Variants in NRXN1 observed in about 807,000 individuals in gnomAD.
NRXN1 encodes neurexin 1, also known as neurexin-1.
A neutral mutation model predicts 150.9 loss-of-function variants in NRXN1; 39 were observed. The ratio of observed to expected loss-of-function variants is 0.26; its 90% CI spans 0.20 to 0.34. The LOEUF (loss-of-function observed/expected upper bound fraction) is 0.34. NRXN1 is among the 10% of genes least tolerant of loss of function. The pLI, the probability that NRXN1 is intolerant of heterozygous loss-of-function variation, is 1.00. For synonymous variants in NRXN1, 924 were observed against 757.0 expected (o/e 1.22, Z -3.62); for missense variants, 1,815 against 1,949.9 (o/e 0.93, Z 1.30).
chr2:50,275,537 C>T (rs997377175), intron 17 of NRXN1, among the ~76,000 whole-genome samples: 3 of 151,936 alleles, frequency 2.0e-5, no homozygotes, highest in Non-Finnish European at 2.9e-5. Context: ...GTTGTCTTCA[C>T]TTACTATAGT....
At chr2:50,656,664 A>G (rs970126683) in intron 5 of NRXN1, among the ~76,000 whole-genome samples, 1 of 151,840 alleles carries the variant, frequency 6.6e-6, no homozygotes, top group Admixed American at 6.6e-5. Context: ...TAATTTCATG[A>G]TGGACTAGCT....
intron 17 of NRXN1, among the ~76,000 whole-genome samples, chr2:50,408,899 C>CA (rs1179156419): frequency 6.8e-6 from 1 of 146,464 alleles, no homozygotes; most frequent in East Asian, 2.0e-4. Context: ...CTAAATCTGA[C>CA]TGCACCTTTT....
chr2:50,659,907 G>A (rs959457801), intron 5 of NRXN1, among the ~76,000 whole-genome samples: 22 of 152,000 alleles, frequency 1.4e-4, no homozygotes, highest in African/African-American at 4.3e-4. Context: ...AGGCTTTGAA[G>A]AAACAATGGG....
At chr2:49,937,722 C>A (rs1304346364) in intron 22 of NRXN1, among the ~76,000 whole-genome samples, 2 of 152,158 alleles carry the variant, frequency 1.3e-5, no homozygotes, top group African/African-American at 4.8e-5. Context: ...TACTGTTTTT[C>A]TGGCTGCAGC....
intron 18 of NRXN1, among the ~76,000 whole-genome samples, chr2:50,215,002 G>A (rs1303193377): frequency 6.6e-6 from 1 of 151,964 alleles, no homozygotes; most frequent in Non-Finnish European, 1.5e-5. Context: ...ATTATTACCT[G>A]AATTGTACAT....
At chr2:50,802,242 AGCACTTTG>A (rs1707697571) in intron 5 of NRXN1, among the ~76,000 whole-genome samples, 1 of 152,126 alleles carries the variant, frequency 6.6e-6, no homozygotes, top group South Asian at 2.1e-4. Flanking sequence ...ATGCAATCCC[AGCACTTTG>A]GGAGGCCGAG....
At chr2:50,523,940 G>A (rs970752285) in intron 12 of NRXN1, among the ~76,000 whole-genome samples, 22 of 152,126 alleles carry the variant, frequency 1.4e-4, no homozygotes, top group Non-Finnish European at 2.9e-4. Context: ...TACTTGGAAG[G>A]TCTGCTTAAA....
intron 18 of NRXN1, among the ~76,000 whole-genome samples, chr2:50,140,668 T>C (rs1052721810): frequency 2.1e-5 from 3 of 144,542 alleles, no homozygotes; most frequent in Non-Finnish European, 4.5e-5. Flanking sequence ...TTTTTCTCTC[T>C]CTTTTTTTTT....
At chr2:50,764,646 G>C (rs1044490071) in intron 5 of NRXN1, among the ~76,000 whole-genome samples, 12 of 151,960 alleles carry the variant, frequency 7.9e-5, no homozygotes, top group African/African-American at 2.2e-4. Flanking sequence ...CATATTGTTA[G>C]TAAGTGGCCT....
intron 5 of NRXN1, among the ~76,000 whole-genome samples, chr2:50,881,301 T>G (rs930332726): frequency 2.0e-5 from 3 of 151,910 alleles, no homozygotes; most frequent in Admixed American, 2.0e-4. Context: ...CAAAGGGTAT[T>G]TGATGCTAAT....
At chr2:50,939,456 T>C (rs1689073829) in intron 2 of NRXN1, among the ~76,000 whole-genome samples, 1 of 152,006 alleles carries the variant, frequency 6.6e-6, no homozygotes, top group Non-Finnish European at 1.5e-5. Flanking sequence ...TGATTTATTA[T>C]TTATAATAAA....
At chr2:50,251,037 A>C (rs571829759) in intron 17 of NRXN1, among the ~76,000 whole-genome samples, 1 of 151,602 alleles carries the variant, frequency 6.6e-6, no homozygotes, top group Admixed American at 6.6e-5. Flanking sequence ...ATATGTAATA[A>C]ATTTATTACA....
intron 2 of NRXN1, among the ~76,000 whole-genome samples, chr2:51,019,716 CT>C (rs1575244399): frequency 6.6e-6 from 1 of 151,950 alleles, no homozygotes; most frequent in East Asian, 1.9e-4. Flanking sequence ...CTTACATTGC[CT>C]GATTGTGTTG....
intron 2 of NRXN1, among the ~76,000 whole-genome samples, chr2:50,947,236 T>C (rs1354676773): frequency 6.6e-6 from 1 of 152,050 alleles, no homozygotes; most frequent in Non-Finnish European, 1.5e-5. Flanking sequence ...ATACCCTTTT[T>C]CTAGCATTTA....
chr2:50,790,856 T>A (rs1452864325), intron 5 of NRXN1, among the ~76,000 whole-genome samples: 2 of 152,138 alleles, frequency 1.3e-5, no homozygotes, highest in African/African-American at 4.8e-5. Context: ...TGTGCTTGTA[T>A]TTTGACCGCA....
At chr2:50,342,761 A>C (rs1015686304) in intron 17 of NRXN1, among the ~76,000 whole-genome samples, 1 of 152,232 alleles carries the variant, frequency 6.6e-6, no homozygotes, top group East Asian at 1.9e-4. Context: ...GGACCCTCTT[A>C]GTTTAAGTTT....
intron 18 of NRXN1, among the ~76,000 whole-genome samples, chr2:50,201,089 T>C (rs1171924730): frequency 1.3e-5 from 2 of 152,164 alleles, no homozygotes; most frequent in East Asian, 3.9e-4. Flanking sequence ...TCAAGATGTA[T>C]TGTGTAGCAG....
intron 18 of NRXN1, among the ~76,000 whole-genome samples, chr2:50,234,445 G>C (rs974147723): frequency 6.6e-5 from 10 of 152,052 alleles, no homozygotes; most frequent in African/African-American, 2.4e-4. Flanking sequence ...AGTGAACTGA[G>C]ATTGCATCAT....
At chr2:50,184,856 A>G (rs2060961989) in intron 18 of NRXN1, among the ~76,000 whole-genome samples, 1 of 152,112 alleles carries the variant, frequency 6.6e-6, no homozygotes, top group South Asian at 2.1e-4. Context: ...CTAACAGTGG[A>G]ACCGAGTCAT....
Sources: gnomAD v4.1 joint callset for allele counts (sites outside exome capture counted in the v4.1 genomes callset) on GRCh38, gnomAD v4.1.1 for gene constraint, MANE v1.5 for transcripts, NCBI Gene and HGNC (gene_info 2026-07-23, HGNC 2026-07-21) for gene names.